The following TMPPE variants were observed in gnomAD, a reference collection of about 807,000 sequenced individuals.
TMPPE encodes the protein transmembrane protein with metallophosphoesterase domain.
TMPPE carries 16 observed loss-of-function variants against 22.6 expected under a neutral mutation model. The observed-to-expected ratio is 0.71, with a 90% CI of 0.48 to 1.08. TMPPE has a LOEUF of 1.08. Among genes scored for constraint, TMPPE ranks in the 50% least tolerant of loss-of-function variants. The pLI is 0.00. For synonymous variants in TMPPE, 240 were observed against 245.3 expected, an observed-to-expected ratio of 0.98 and a Z score of 0.20; for missense variants, 526 against 584.3, an observed-to-expected ratio of 0.90 and a Z score of 1.03.
At position 33,093,255 on chromosome 3, in the gene TMPPE, C is replaced by T. The variant is rs769238140; in HGVS notation, c.941G>A (p.Arg314His). 19 of 1,614,036 alleles carry T rather than the reference C, an allele frequency of 1.2e-5. No homozygotes were observed. The African/African-American group carries it at 1.6e-4, about 14-fold the overall frequency. ...NVKISATRAQ[R>H]GGGGSGSGSE... is the part of the protein sequence containing the mutation. Reference sequence around the variant, plus strand: ...CCCACTGCCACTGCCACCACCACCACGTTGGGCCCGTGTGGCGGAAATCTT... The same window carrying T: ...CCCACTGCCACTGCCACCACCACCATGTTGGGCCCGTGTGGCGGAAATCTT... The change falls in exon 2 of 2, where the codon CGT becomes CAT. Residue 314 changes from arginine to histidine, a missense_variant. Arg to His is a conservative substitution (Grantham distance 29). Transcript: ENST00000342462. This position sits in a 1 kb window ranked among gnomAD's most constrained non-coding sequence, Gnocchi z 6.0.
rs969722633 is a variant in TMPPE, at chr3:33,096,668, C to T, written c.-109+51G>A. On this transcript the variant is annotated intron_variant, in intron 1 of 1. Coordinates refer to ENST00000342462, the MANE Select transcript of TMPPE (RefSeq NM_001039770.3). The stretch of plus-strand genomic sequence containing the variant: ...AGCCGGAGGCACCCTCTAACCCGCG[C>T]AACTTGGAATCCCCTCCCGGAAAGC... The T allele has an allele frequency of 1.9e-5, 22 of 1,132,960 alleles. No individual in the cohort carries two copies. The African/African-American group carries it at 3.5e-4, about 18-fold the overall frequency. 70.2% of individuals were successfully genotyped at this position (1,132,960 alleles called of 1,614,324 possible).
chr3:33,092,749 G>C lies in TMPPE; in HGVS notation c.*85C>G. Reference sequence around the variant, plus strand: ...AGGCAAGGATGAGTGGGCAAGGCTGGAGGGGAAAAGCAGGCAAACCACTCT... The same window carrying C: ...AGGCAAGGATGAGTGGGCAAGGCTGCAGGGGAAAAGCAGGCAAACCACTCT... On this transcript the variant is annotated 3_prime_UTR_variant, in exon 2 of 2. Coordinates refer to ENST00000342462, the MANE Select transcript of TMPPE (RefSeq NM_001039770.3). The C allele has an allele frequency of 1.3e-6, 2 of 1,514,556 alleles. No individual in the cohort carries two copies. The highest frequency in any genetic ancestry group is 1.8e-6 in the Non-Finnish European group (2 of 1,133,460). 93.8% of individuals were successfully genotyped at this position (1,514,556 alleles called of 1,614,324 possible). A position where few individuals can be genotyped will look rare whatever the true frequency, so the allele number is the denominator to read the frequency against.
chr3:33,092,855 G>A lies in TMPPE; in HGVS notation c.1341C>T (p.Leu447=). 6.8e-6 allele frequency: 11 copies of A among 1,608,362 alleles called. No individual in the cohort carries two copies. The highest frequency in any genetic ancestry group is 8.5e-6 in the Non-Finnish European group (10 of 1,176,468). The change falls in exon 2 of 2, where the codon CTC becomes CTT. Residue 447 remains leucine (L), a synonymous_variant. Coordinates refer to ENST00000342462, the MANE Select transcript of TMPPE (RefSeq NM_001039770.3). The stretch of plus-strand genomic sequence containing the variant: ...CAGTTCAGGGAGACCGCTGCAGGAT[G>A]AGCTCTGTGATCTCGGCCCTGCTAC... The part of the protein sequence containing the change: ...RLGSRAEITE[L]ILQRSP
At position 33,091,306 on chromosome 3, in the gene TMPPE, A is replaced by G; in HGVS notation, c.*1528T>C. 3.0e-6 allele frequency: 3 copies of G among 985,428 alleles called. No homozygotes were observed. Among genetic ancestry groups the G allele is most frequent in the Non-Finnish European group, 3.6e-6 (3 of 830,060 alleles). The allele number at this position is 985,428 out of a possible 1,614,324, so 61.0% of individuals were successfully genotyped here. On this transcript the variant is annotated 3_prime_UTR_variant, in exon 2 of 2. Transcript: ENST00000342462. Reference sequence around the variant, plus strand: ...AAAAAGGGTGGTCTCCAGATCCCCCAGAACCCCACTATACACCAGGAGGAC... The same window carrying G: ...AAAAAGGGTGGTCTCCAGATCCCCCGGAACCCCACTATACACCAGGAGGAC...
chr3:33,095,418 C>T (rs900799329), intron 1 of TMPPE, among the ~76,000 whole-genome samples: 3 of 151,966 alleles, frequency 2.0e-5, no homozygotes, highest in East Asian at 1.9e-4. Flanking sequence ...CCCAGCTACT[C>T]GGGAGGCTGA....
chr3:33,091,419 T>A lies in TMPPE; in HGVS notation c.*1415A>T. 1 of 985,478 alleles carries A rather than the reference T, an allele frequency of 1.0e-6. No homozygotes were observed. Among genetic ancestry groups the A allele is most frequent in the Non-Finnish European group, 1.2e-6 (1 of 829,986 alleles). 61.0% of individuals were successfully genotyped at this position (985,478 alleles called of 1,614,324 possible). On this transcript the variant is annotated 3_prime_UTR_variant, in exon 2 of 2. Transcript: ENST00000342462. ...CCCTAGCAGTTGCTGCTTTGACACA[T>A]CACCTGCCCCAGCAGCAGGCAGCTC...
At position 33,090,527 on chromosome 3, in the gene TMPPE, T is replaced by A. The variant is rs1575496665; in HGVS notation, c.*2307A>T. 6.1e-6 allele frequency: 6 copies of A among 985,380 alleles called. No individual in the cohort carries two copies. In the South Asian group the frequency reaches 2.3e-4, roughly 39 times the overall value. The allele number at this position is 985,380 out of a possible 1,614,324, so 61.0% of individuals were successfully genotyped here. ...AAAAAGCATTGCATTTCAATTTGCA[T>A]CTAACAGATTAAAAATAAAGAAACA... On this transcript the variant is annotated 3_prime_UTR_variant, in exon 2 of 2. Transcript: ENST00000342462.
rs1700773163 is a variant in TMPPE at position 33,091,759 on chromosome 3, TTC to T, written c.*1073_*1074del. On this transcript the variant is annotated 3_prime_UTR_variant, in exon 2 of 2. Transcript: ENST00000342462. ...AGCCTCTCCAGTCAGAGCGAGTGTC[TTC>T]ACTCCCCATTGGAGGAAGACTTTCC... 1 of 985,332 alleles carries T rather than the reference TTC, an allele frequency of 1.0e-6. No homozygotes were observed. The highest frequency in any genetic ancestry group is 1.2e-6 in the Non-Finnish European group (1 of 829,964). The allele number at this position is 985,332 out of a possible 1,614,324, so 61.0% of individuals were successfully genotyped here.
In TMPPE at chr3:33,093,419, G is replaced by C; in HGVS notation, c.777C>G (p.Val259=). The change falls in exon 2 of 2, where the codon GTC becomes GTG. Residue 259 remains valine, a synonymous_variant. Transcript: ENST00000342462. This position sits in a 1 kb window ranked among gnomAD's most constrained non-coding sequence, Gnocchi z 6.0. ...GTGAATGAAGCTGGCCCAGAGGAGCGACAGCCGTCCGCAGGACCGAGGCTT... is the reference window on the plus strand; with the variant it reads ...GTGAATGAAGCTGGCCCAGAGGAGCCACAGCCGTCCGCAGGACCGAGGCTT... ...DSEASVLRTA[V]APLGQLHSHL... is the part of the protein sequence containing the mutation. The C allele has an allele frequency of 6.2e-7, 1 of 1,614,082 alleles. No homozygotes were observed. Among genetic ancestry groups the C allele is most frequent in the East Asian group, 2.2e-5 (1 of 44,872 alleles).
At chr3:33,095,376 A>G (rs1700978404) in intron 1 of TMPPE, among the ~76,000 whole-genome samples, 1 of 151,868 alleles carries the variant, frequency 6.6e-6, no homozygotes, top group South Asian at 2.1e-4. Context: ...AAAGAAAAAA[A>G]TTAGTCGGGT....
At position 33,094,093 on chromosome 3, in the gene TMPPE, G is replaced by A; in HGVS notation, c.103C>T (p.Leu35Phe). The A allele has an allele frequency of 6.2e-7, 1 of 1,614,256 alleles. No homozygotes were observed. The highest frequency in any genetic ancestry group is 8.5e-7 in the Non-Finnish European group (1 of 1,180,038). The change falls in exon 2 of 2, where the codon CTT (leucine) becomes TTT (phenylalanine). Residue 35 changes from leucine (L) to phenylalanine (F), a missense_variant. Physicochemically the swap from Leu to Phe is conservative, Grantham distance 22. Coordinates refer to ENST00000342462, the MANE Select transcript of TMPPE (RefSeq NM_001039770.3). ...AGCCAACGCCAGGCCCTGAGCTCAA[G>A]GCTCTCTGCCAGATACGAGCGGGAG... Reference protein sequence around the residue: ...IASRSYLAESLELRAWRWLLR... With the variant: ...IASRSYLAESFELRAWRWLLR...
rs61749982 is a variant in TMPPE at position 33,094,100 on chromosome 3, T to G, written c.96A>C (p.Ala32=). Reference sequence around the variant, plus strand: ...GCCAGGCCCTGAGCTCAAGGCTCTCTGCCAGATACGAGCGGGAGGCGATCA... The same window carrying G: ...GCCAGGCCCTGAGCTCAAGGCTCTCGGCCAGATACGAGCGGGAGGCGATCA... The part of the protein sequence containing the change: ...VSMIASRSYL[A]ESLELRAWRW... Residue 32 remains alanine (A), a synonymous_variant, in exon 2 of 2, where the codon GCA becomes GCC. Coordinates refer to ENST00000342462, the MANE Select transcript of TMPPE (RefSeq NM_001039770.3). The G allele has an allele frequency of 6.2e-7, 1 of 1,614,134 alleles. No individual in the cohort carries two copies. The highest frequency in any genetic ancestry group is 8.5e-7 in the Non-Finnish European group (1 of 1,180,050).
chr3:33,093,284 G>GT lies in TMPPE; in HGVS notation c.911dup (p.Asn304LysfsTer21), dbSNP rs1700850690. 1.2e-6 allele frequency: 2 copies of GT among 1,613,992 alleles called. No homozygotes were observed. The highest frequency in any genetic ancestry group is 2.7e-5 in the African/African-American group (2 of 74,890). On this transcript the variant is annotated frameshift_variant, in exon 2 of 2. Coordinates refer to ENST00000342462, the MANE Select transcript of TMPPE (RefSeq NM_001039770.3). LOFTEE classifies it high-confidence loss of function. This position sits in a 1 kb window ranked among gnomAD's most constrained non-coding sequence, Gnocchi z 6.0. ...GGGCCCGTGTGGCGGAAATCTTCAC[G>GT]TTCTCATTATGAAGAGGCTGGACAT...
chr3:33,091,563 T>C lies in TMPPE; in HGVS notation c.*1271A>G. 5 of 985,512 alleles carry C rather than the reference T, an allele frequency of 5.1e-6. No homozygotes were observed. Among genetic ancestry groups the C allele is most frequent in the Non-Finnish European group, 6.0e-6 (5 of 829,952 alleles). 61.0% of individuals were successfully genotyped at this position (985,512 alleles called of 1,614,324 possible). On this transcript the variant is annotated 3_prime_UTR_variant, in exon 2 of 2. Transcript: ENST00000342462. ...TGAAAAATTAACATTGAGTGTTTAC[T>C]GTGCACGCTGTGCCATGTGGAACTC...
At position 33,092,970 on chromosome 3, in the gene TMPPE, G is replaced by A. The variant is rs1380850859; in HGVS notation, c.1226C>T (p.Pro409Leu). ...CACCTGGTAGAGACCAGCAAAGAAGGGATTCAGGAGATAGGCTGCTACGTT... is the reference window on the plus strand; with the variant it reads ...CACCTGGTAGAGACCAGCAAAGAAGAGATTCAGGAGATAGGCTGCTACGTT... ...PLNVAAYLLN[P>L]FFAGLYQVAQ... The change falls in exon 2 of 2, where the codon CCC (proline) becomes CTC (leucine). Residue 409 changes from proline (P) to leucine (L), a missense_variant. Transcript: ENST00000342462. 2.5e-6 allele frequency: 4 copies of A among 1,614,088 alleles called. No homozygotes were observed. The African/African-American group carries it at 5.3e-5, about 22-fold the overall frequency.
Position 33,094,068 on chromosome 3 carries a change from A to G in TMPPE, c.128T>C (p.Leu43Pro). Residue 43 changes from leucine to proline, a missense_variant, in exon 2 of 2, where the codon CTG (leucine) becomes CCG (proline). Transcript: ENST00000342462. ...AAACAGGGCAAGCTGCAAGCGAAGC[A>G]GCCAACGCCAGGCCCTGAGCTCAAG... ...ESLELRAWRW[L>P]LRLQLALFVN... is the part of the protein sequence containing the mutation. 3 of 1,614,276 alleles carry G rather than the reference A, an allele frequency of 1.9e-6. No individual in the cohort carries two copies. Among genetic ancestry groups the G allele is most frequent in the Non-Finnish European group, 2.5e-6 (3 of 1,180,050 alleles).
At position 33,092,512 on chromosome 3, in the gene TMPPE, G is replaced by T; in HGVS notation, c.*322C>A. 3.6e-6 allele frequency: 4 copies of T among 1,106,198 alleles called. No homozygotes were observed. Among genetic ancestry groups the T allele is most frequent in the Non-Finnish European group, 4.4e-6 (4 of 905,996 alleles). The allele number at this position is 1,106,198 out of a possible 1,614,324, so 68.5% of individuals were successfully genotyped here. On this transcript the variant is annotated 3_prime_UTR_variant, in exon 2 of 2. Coordinates refer to ENST00000342462, the MANE Select transcript of TMPPE (RefSeq NM_001039770.3). ...AGGTATGCCTTTCTAGCAACCCCGA[G>T]GGGAGGTTCATCCCTGGGAGCTCTG...
At position 33,092,854 on chromosome 3, in the gene TMPPE, T is replaced by C; in HGVS notation, c.1342A>G (p.Ile448Val). The change falls in exon 2 of 2, where the codon ATC (isoleucine) becomes GTC (valine). Residue 448 changes from isoleucine to valine, a missense_variant. Physicochemically the swap from Ile to Val is conservative, Grantham distance 29 (BLOSUM62 3). Transcript: ENST00000342462. Reference protein sequence around the residue: ...LGSRAEITELILQRSP With the variant: ...LGSRAEITELVLQRSP ...CCAGTTCAGGGAGACCGCTGCAGGA[T>C]GAGCTCTGTGATCTCGGCCCTGCTA... 6.2e-7 allele frequency: 1 copy of C among 1,608,042 alleles called. No homozygotes were observed. The highest frequency in any genetic ancestry group is 8.5e-7 in the Non-Finnish European group (1 of 1,176,318).
intron 1 of TMPPE, 171 bp downstream of exon 1, chr3:33,096,548 T>C (rs1222032136): frequency 1.0e-6 from 1 of 984,398 alleles, no homozygotes; most frequent in African/African-American, 1.7e-5. Context: ...AATAACCCAA[T>C]GTTCCCACTG....
Sources: allele counts gnomAD v4.1 joint callset (sites outside exome capture counted in the v4.1 genomes callset), GRCh38; gene constraint gnomAD v4.1.1; non-coding constraint Gnocchi (gnomAD v3.1); transcripts MANE v1.5; gene names NCBI Gene and HGNC (gene_info 2026-07-23, HGNC 2026-07-21).